Variants in USP26 observed in about 807,000 individuals in gnomAD.
The protein encoded by USP26 is ubiquitin specific peptidase 26.
For missense variants in USP26, 649 were observed against 642.3 expected, an observed-to-expected ratio of 1.01 and a Z score of -0.11; for synonymous variants, 236 against 240.6, an observed-to-expected ratio of 0.98 and a Z score of 0.18.
chrX:133,041,766 G>C (rs2067420287), intron 5 of USP26, among the ~76,000 whole-genome samples: 1 of 112,387 alleles, frequency 8.9e-6, no homozygotes, highest in Admixed American at 9.4e-5. Context: ...GCTCTCTTCA[G>C]AGCCGGCAGG....
At chrX:133,050,607 TA>T (rs201536928) in intron 5 of USP26, among the ~76,000 whole-genome samples, 2 of 111,258 alleles carry the variant, frequency 1.8e-5, no homozygotes, top group East Asian at 5.6e-4. Flanking sequence ...AATTTTTTTT[TA>T]AAAAAAGAAG....
At chrX:133,036,424 C>T (rs1002899369) in intron 5 of USP26, among the ~76,000 whole-genome samples, 3 of 110,691 alleles carry the variant, frequency 2.7e-5, no homozygotes, top group Non-Finnish European at 3.8e-5. Flanking sequence ...TGAGAACATG[C>T]GGTGTTTGGT....
intron 5 of USP26, among the ~76,000 whole-genome samples, chrX:133,067,559 T>C (rs141199660): frequency 4.3e-3 from 486 of 112,000 alleles, no homozygotes; most frequent in African/African-American, 0.015. Context: ...AAAGAATGAG[T>C]TCATGTCCTT....
Position 133,026,095 on chromosome X carries a change from G to T in USP26, c.2126C>A (p.Ala709Asp). The T allele has an allele frequency of 8.3e-7, 1 of 1,210,554 alleles. No homozygotes were observed. Among genetic ancestry groups the T allele is most frequent in the Non-Finnish European group, 1.1e-6 (1 of 894,907 alleles). ...KKYVKTSKFV[A>D]FDRIINPTKD... ...AGTAGGATTGATAATCCTATCAAAA[G>T]CTACAAACTTACTGGTTTTCACATA... is the stretch of plus-strand genomic sequence containing the variant. The change falls in exon 6 of 6, where the codon GCT (alanine) becomes GAT (aspartate). Residue 709 changes from alanine to aspartate, a missense_variant. Ala to Asp is a moderately radical substitution (Grantham distance 126). Transcript: ENST00000511190.
At chrX:133,063,353 C>T (rs2067500072) in intron 5 of USP26, among the ~76,000 whole-genome samples, 2 of 111,163 alleles carry the variant, frequency 1.8e-5, no homozygotes, top group South Asian at 3.9e-4. Flanking sequence ...GACAGGCCAA[C>T]GTTCAAATTC....
chrX:133,079,351 G>A (rs999212332), intron 5 of USP26, among the ~76,000 whole-genome samples: 2 of 111,990 alleles, frequency 1.8e-5, no homozygotes, highest in African/African-American at 6.5e-5. Context: ...CCTTTAAGAA[G>A]CTGGAACAGA....
intron 5 of USP26, among the ~76,000 whole-genome samples, chrX:133,076,102 G>A (rs2010895120): frequency 9.0e-6 from 1 of 111,476 alleles, no homozygotes; most frequent in Non-Finnish European, 1.9e-5. Flanking sequence ...ATTTCCATAT[G>A]ATTAAGAACC....
At chrX:133,080,411 T>C (rs1283624109) in intron 5 of USP26, among the ~76,000 whole-genome samples, 1 of 110,966 alleles carries the variant, frequency 9.0e-6, no homozygotes, top group Non-Finnish European at 1.9e-5. Context: ...AACTGAAGTA[T>C]TACAGGCAGC....
intron 4 of USP26, among the ~76,000 whole-genome samples, chrX:133,087,326 TAGAA>T (rs1445671463): frequency 8.9e-6 from 1 of 112,461 alleles, no homozygotes; most frequent in Non-Finnish European, 1.9e-5. Flanking sequence ...ATATTTTTCA[TAGAA>T]AGATTAGTTA....
Position 133,024,824 on chromosome X carries a change from C to A in USP26, c.*655G>T, listed in dbSNP as rs2067338157. The stretch of plus-strand genomic sequence containing the variant: ...GTCTCCATCAGATTGCTATCCCTTA[C>A]CCCAAGTTTCTGAATCAGTAGGTCT... On this transcript the variant is annotated 3_prime_UTR_variant, in exon 6 of 6. Coordinates refer to ENST00000511190, the MANE Select transcript of USP26 (RefSeq NM_031907.3). The A allele has an allele frequency of 8.9e-6, 1 of 111,958 alleles. No individual in the cohort carries two copies. Among genetic ancestry groups the A allele is most frequent in the African/African-American group, 3.3e-5 (1 of 30,552 alleles). The allele number at this position is 111,958 out of a possible 1,213,427, so 9.2% of individuals were successfully genotyped here. A position where few individuals can be genotyped will look rare whatever the true frequency, so the allele number is the denominator to read the frequency against.
chrX:133,067,259 T>C (rs758435276), intron 5 of USP26, among the ~76,000 whole-genome samples: 9 of 112,527 alleles, frequency 8.0e-5, no homozygotes, highest in Admixed American at 2.8e-4. Context: ...AAATATGAAC[T>C]CTTTTACACT....
chrX:133,041,954 G>A (rs927175406), intron 5 of USP26, among the ~76,000 whole-genome samples: 3 of 112,426 alleles, frequency 2.7e-5, no homozygotes, highest in African/African-American at 9.7e-5. Context: ...TAGCCATTTT[G>A]CCACACTGTG....
chrX:133,089,644 T>G (rs1386268630), intron 4 of USP26, among the ~76,000 whole-genome samples: 6 of 112,245 alleles, frequency 5.3e-5, no homozygotes, highest in East Asian at 2.8e-4. Flanking sequence ...AACCAAGCAC[T>G]GTATGTCCTC....
In USP26 at chrX:133,086,663, G is replaced by C. The variant is rs955149995; in HGVS notation, c.-141-2892C>G. On this transcript the variant is annotated intron_variant, in intron 4 of 5. Coordinates refer to ENST00000511190, the MANE Select transcript of USP26 (RefSeq NM_031907.3). ...GCAGTGGCTCACGCCTGTAATCCCA[G>C]CACTTTGGGAGGCCAAGGCGGGCGG... Among the ~76,000 whole-genome samples, 3 of 110,779 alleles carry C rather than the reference G, an allele frequency of 2.7e-5. No homozygotes were observed. In the Admixed American group the frequency reaches 2.9e-4, roughly 11 times the overall value.
chrX:133,073,746 G>C (rs973728474), intron 5 of USP26, among the ~76,000 whole-genome samples: 3 of 111,421 alleles, frequency 2.7e-5, no homozygotes, highest in African/African-American at 9.8e-5. Flanking sequence ...GGATGGCAAA[G>C]CCTTTCTAAT....
intron 5 of USP26, among the ~76,000 whole-genome samples, chrX:133,079,900 T>C (rs751004853): frequency 2.7e-5 from 3 of 111,810 alleles, no homozygotes; most frequent in African/African-American, 6.5e-5. Context: ...CAGTATAAAA[T>C]ACTAACAAGA....
chrX:133,056,462 A>G (rs919365027), intron 5 of USP26, among the ~76,000 whole-genome samples: 3 of 111,496 alleles, frequency 2.7e-5, no homozygotes, highest in Non-Finnish European at 3.8e-5. Flanking sequence ...GGAAGAGCCA[A>G]TTAGGGGATT....
At chrX:133,048,633 G>T (rs1001794195) in intron 5 of USP26, among the ~76,000 whole-genome samples, 1 of 108,577 alleles carries the variant, frequency 9.2e-6, no homozygotes, top group Non-Finnish European at 1.9e-5. Flanking sequence ...TGCAAGCTCC[G>T]CCTCCCGGGT....
At chrX:133,088,571 T>C (rs2067597285) in intron 4 of USP26, among the ~76,000 whole-genome samples, 1 of 111,499 alleles carries the variant, frequency 9.0e-6, no homozygotes, top group Non-Finnish European at 1.9e-5. Flanking sequence ...ACCCCTGAGT[T>C]AAAGGGCAAA....
Sources: allele counts gnomAD v4.1 joint callset (sites outside exome capture counted in the v4.1 genomes callset), GRCh38; gene constraint gnomAD v4.1.1; transcripts MANE v1.5; gene names NCBI Gene and HGNC (gene_info 2026-07-23, HGNC 2026-07-21).